The following RABL6 variants were observed in gnomAD, a reference collection of about 807,000 sequenced individuals.
RABL6 encodes the protein RAB, member RAS oncogene family like 6, also known as rab-like protein 6.
In RABL6, 28 loss-of-function variants were observed where a neutral mutation model predicts 72.9. The ratio of observed to expected loss-of-function variants is 0.38; its 90% CI spans 0.28 to 0.53. RABL6 has a LOEUF of 0.53. RABL6 is among the 20% of genes least tolerant of loss of function. RABL6 has a pLI of 0.80. For missense variants in RABL6, 1,029 were observed against 1,008.4 expected, an observed-to-expected ratio of 1.02 and a Z score of -0.28; for synonymous variants, 477 against 421.2, an observed-to-expected ratio of 1.13 and a Z score of -1.62.
chr9:136,830,189 G>A (rs367733434), intron 5 of RABL6, among the ~76,000 whole-genome samples: 2 of 152,262 alleles, frequency 1.3e-5, no homozygotes, highest in Non-Finnish European at 2.9e-5. Context: ...CCCAGCAGTG[G>A]GTCTGGCCTG....
chr9:136,831,278 C>T (rs1463699171), intron 5 of RABL6, among the ~76,000 whole-genome samples: 1 of 152,202 alleles, frequency 6.6e-6, no homozygotes, highest in East Asian at 1.9e-4. Context: ...GCTTCACCGG[C>T]AGCCGCAGAG....
In RABL6 at chr9:136,840,385, A is replaced by AAGGAGGAGCGGCGACGGC; in HGVS notation, c.2054_2071dup (p.Arg690_Arg691insGlnGluGluArgArgArg). The AAGGAGGAGCGGCGACGGC allele has an allele frequency of 1.3e-6, 2 of 1,553,642 alleles. No individual in the cohort carries two copies. Among genetic ancestry groups the AAGGAGGAGCGGCGACGGC allele is most frequent in the Non-Finnish European group, 8.7e-7 (1 of 1,148,724 alleles). On this transcript the variant is annotated inframe_insertion, in exon 15 of 15. Coordinates refer to ENST00000311502, the MANE Select transcript of RABL6 (RefSeq NM_024718.5). Reference sequence around the variant, plus strand: ...GAAGAGCAAGGACAAGGAGGAGGGCAAGGAGGAGCGGCGACGGCGGCAGCA... The same window carrying AAGGAGGAGCGGCGACGGC: ...GAAGAGCAAGGACAAGGAGGAGGGCAAGGAGGAGCGGCGACGGCAGGAGGAGCGGCGACGGCGGCAGCA...
At position 136,837,400 on chromosome 9, in the gene RABL6, C is replaced by T; in HGVS notation, c.864C>T (p.Ala288=). Residue 288 remains alanine (A), a synonymous_variant, in exon 9 of 15, where the codon GCC becomes GCT. Transcript: ENST00000311502. ...RSRGHASPLA[A]NGQSPSPGSQ... is the part of the protein sequence containing the mutation. Reference sequence around the variant, plus strand: ...GTGGCCATGCGTCCCCACTGGCGGCCAACGGGCAGAGCCCATCCCCGGGCT... The same window carrying T: ...GTGGCCATGCGTCCCCACTGGCGGCTAACGGGCAGAGCCCATCCCCGGGCT... 1.9e-6 allele frequency: 3 copies of T among 1,596,778 alleles called. No individual in the cohort carries two copies. Among genetic ancestry groups the T allele is most frequent in the Non-Finnish European group, 2.6e-6 (3 of 1,172,798 alleles).
At chr9:136,820,855 A>G (rs915569712) in intron 1 of RABL6, among the ~76,000 whole-genome samples, 16 of 152,212 alleles carry the variant, frequency 1.1e-4, no homozygotes, top group Non-Finnish European at 1.8e-4. Context: ...AAATTCAAGG[A>G]AAAGTGCGGC....
intron 5 of RABL6, among the ~76,000 whole-genome samples, chr9:136,830,000 C>A (rs1379188337): frequency 6.6e-6 from 1 of 152,232 alleles, no homozygotes; most frequent in African/African-American, 2.4e-5. Flanking sequence ...AGTGCAGTGT[C>A]CCCCAGGACG....
intron 1 of RABL6, among the ~76,000 whole-genome samples, chr9:136,817,047 A>G (rs538609956): frequency 3.9e-5 from 6 of 152,364 alleles, no homozygotes; most frequent in African/African-American, 1.4e-4. Flanking sequence ...TATAAATACA[A>G]AAAACCATGA....
intron 8 of RABL6, 180 bp downstream of exon 8, chr9:136,836,025 C>T (rs112403278): frequency 3.3e-6 from 2 of 602,704 alleles, no homozygotes; most frequent in Admixed American, 2.9e-5. Context: ...GCAGCCCCCC[C>T]ACAGTCACCC....
At chr9:136,817,027 T>C (rs1030615253) in intron 1 of RABL6, among the ~76,000 whole-genome samples, 1 of 152,200 alleles carries the variant, frequency 6.6e-6, no homozygotes, top group East Asian at 1.9e-4. Flanking sequence ...TGTGCAATTA[T>C]TATGTCAATT....
Position 136,828,540 on chromosome 9 carries a change from C to G in RABL6, c.360C>G (p.Pro120=). The G allele has an allele frequency of 6.2e-7, 1 of 1,613,236 alleles. No homozygotes were observed. Among genetic ancestry groups the G allele is most frequent in the Middle Eastern group, 1.7e-4 (1 of 5,738 alleles). ...ACGGCTTAAAGATGGAGAACGACCC[C>G]CAGGAGGTGAGTGCCAGGTACACAG... ...RGDGLKMEND[P]QEAESEMALD... The change falls in exon 4 of 15, where the codon CCC becomes CCG. Residue 120 remains proline, a synonymous_variant. Transcript: ENST00000311502.
intron 2 of RABL6, 78 bp from the exon 3 acceptor site, chr9:136,825,701 A>C: frequency 6.6e-7 from 1 of 1,505,416 alleles, no homozygotes. Context: ...GGCACAGACA[A>C]CCACACCAGC....
At position 136,840,511 on chromosome 9, in the gene RABL6, G is replaced by GAGGAGCTCTAGGCC; in HGVS notation, c.2180_*3dup. The GAGGAGCTCTAGGCC allele has an allele frequency of 1.3e-6, 2 of 1,517,614 alleles. No homozygotes were observed. The highest frequency in any genetic ancestry group is 1.2e-5 in the South Asian group (1 of 82,050). The allele number at this position is 1,517,614 out of a possible 1,614,324, so 94.0% of individuals were successfully genotyped here. A position where few individuals can be genotyped will look rare whatever the true frequency, so the allele number is the denominator to read the frequency against. On this transcript the variant is annotated stop_gained and frameshift_variant, in exon 15 of 15. Coordinates refer to ENST00000311502, the MANE Select transcript of RABL6 (RefSeq NM_024718.5). LOFTEE classifies it high-confidence loss of function. ...CCGCCACCCTGGGGGTGGCGACTACGAGGAGCTCTAGGCCGGCGTGGGCAG... is the reference window on the plus strand; with the variant it reads ...CCGCCACCCTGGGGGTGGCGACTACGAGGAGCTCTAGGCCAGGAGCTCTAGGCCGGCGTGGGCAG...
chr9:136,828,581 C>T, intron 4 of RABL6, 35 bp downstream of exon 4: 1 of 1,607,740 alleles, frequency 6.2e-7, no homozygotes, highest in Non-Finnish European at 8.5e-7. Context: ...AGCAGTGGCT[C>T]AGGGCCCCGG....
At chr9:136,811,878 A>C (rs546471611) in intron 1 of RABL6, among the ~76,000 whole-genome samples, 1 of 152,272 alleles carries the variant, frequency 6.6e-6, no homozygotes, top group East Asian at 1.9e-4. Flanking sequence ...AGGAGGCCAC[A>C]ATGAGGCCTG....
In RABL6 at chr9:136,839,022, A is replaced by G; in HGVS notation, c.1394A>G (p.Gln465Arg). ...CTGCCTGCAGGCCCCGTCCCCAGTC[A>G]AGACATCACTCTTTCGAGTGAGGAG... ...PPLPAGPVPS[Q>R]DITLSSEEEA... The change falls in exon 11 of 15, where the codon CAA (glutamine) becomes CGA (arginine). Residue 465 changes from glutamine (Q) to arginine (R), a missense_variant. Coordinates refer to ENST00000311502, the MANE Select transcript of RABL6 (RefSeq NM_024718.5). The G allele has an allele frequency of 1.2e-6, 2 of 1,612,474 alleles. No homozygotes were observed. Among genetic ancestry groups the G allele is most frequent in the Non-Finnish European group, 1.7e-6 (2 of 1,179,738 alleles).
intron 6 of RABL6, 118 bp from the exon 7 acceptor site, chr9:136,832,147 C>G (rs1848490042): frequency 1.9e-6 from 2 of 1,048,240 alleles, no homozygotes; most frequent in African/African-American, 1.6e-5. Flanking sequence ...GTCCTGTGGC[C>G]TCAGGAGCCT....
intron 3 of RABL6, 117 bp from the exon 4 acceptor site, chr9:136,828,376 TG>T: frequency 2.0e-6 from 2 of 977,928 alleles, no homozygotes; most frequent in Non-Finnish European, 3.2e-6. Context: ...CTGTTTGGGG[TG>T]GTGGAGTAGA....
intron 10 of RABL6, 70 bp downstream of exon 10, chr9:136,838,085 G>A: frequency 1.3e-6 from 2 of 1,531,300 alleles, no homozygotes; most frequent in South Asian, 1.2e-5. Flanking sequence ...AGCAGGTGGG[G>A]CTGGCTTTCT....
rs1848603043 is a variant in RABL6 at position 136,837,430 on chromosome 9, G to C, written c.894G>C (p.Gln298His). 6.3e-7 allele frequency: 1 copy of C among 1,579,504 alleles called. No homozygotes were observed. Among genetic ancestry groups the C allele is most frequent in the Non-Finnish European group, 8.6e-7 (1 of 1,164,574 alleles). Residue 298 changes from glutamine (Q) to histidine (H), a missense_variant, in exon 9 of 15, where the codon CAG becomes CAC. Transcript: ENST00000311502. ...ANGQSPSPGS[Q>H]SPVVPAGAVS... The stretch of plus-strand genomic sequence containing the variant: ...GGCAGAGCCCATCCCCGGGCTCCCA[G>C]TCACCAGTGGTGCCTGCAGGCGCTG...
chr9:136,821,804 G>C, intron 1 of RABL6: 1 of 1,179,750 alleles, frequency 8.5e-7, no homozygotes, highest in Non-Finnish European at 1.1e-6. Context: ...CCGCGGGAGA[G>C]GGAGGGGAAC....
Sources: gnomAD v4.1 joint callset for allele counts (sites outside exome capture counted in the v4.1 genomes callset) on GRCh38, gnomAD v4.1.1 for gene constraint, MANE v1.5 for transcripts, NCBI Gene and HGNC (gene_info 2026-07-23, HGNC 2026-07-21) for gene names.